Variants in GXYLT1 observed in about 807,000 individuals in gnomAD.
GXYLT1 encodes glycosyltransferase 8 domain containing 3.
Under a neutral mutation model 54.0 loss-of-function variants are expected in GXYLT1, and 29 were observed. That is an observed-to-expected ratio of 0.54 (90% CI 0.40 to 0.73). The LOEUF (loss-of-function observed/expected upper bound fraction) is 0.73, where lower values mean the gene tolerates loss of function less well. GXYLT1 is among the 30% of genes least tolerant of loss of function. GXYLT1 has a pLI of 0.00. For missense variants in GXYLT1, 490 were observed against 553.4 expected (o/e 0.89, Z 1.15); for synonymous variants, 176 against 204.1 (o/e 0.86, Z 1.17).
At position 42,089,483 on chromosome 12, in the gene GXYLT1, T is replaced by C. The variant is rs192200441; in HGVS notation, c.1162-1536A>G. Among the ~76,000 whole-genome samples, 11 of 152,286 alleles carry C rather than the reference T, an allele frequency of 7.2e-5. No individual in the cohort carries two copies. In the East Asian group the frequency reaches 1.9e-3, roughly 27 times the overall value. ...CATATGTACCCTAGAACTTAAAGTA[T>C]AATAAAATATATATACATATAAAAG... is the stretch of plus-strand genomic sequence containing the variant. On this transcript the variant is annotated intron_variant, in intron 7 of 7. Transcript: ENST00000398675.
chr12:42,098,135 A>G, intron 5 of GXYLT1, 102 bp from the exon 6 acceptor site: 1 of 1,095,414 alleles, frequency 9.1e-7, no homozygotes, highest in East Asian at 2.4e-5. Flanking sequence ...ACAAATCCAC[A>G]AAGAGAAATG....
intron 2 of GXYLT1, among the ~76,000 whole-genome samples, chr12:42,124,763 A>G (rs1417547752): frequency 1.3e-5 from 2 of 152,216 alleles, no homozygotes; most frequent in Non-Finnish European, 2.9e-5. Flanking sequence ...GAAAGCCACA[A>G]TCTTCACCTT....
intron 7 of GXYLT1, 136 bp from the exon 8 acceptor site, chr12:42,088,083 T>C (rs551681576): frequency 2.2e-6 from 1 of 463,144 alleles, no homozygotes; most frequent in African/African-American, 2.0e-5. Context: ...ATTAGATGTT[T>C]AACAAATATT....
chr12:42,097,099 C>G (rs1419527904), intron 7 of GXYLT1, among the ~76,000 whole-genome samples: 1 of 151,850 alleles, frequency 6.6e-6, no homozygotes, highest in East Asian at 1.9e-4. Context: ...TTAATGTATT[C>G]CATCAGTATT....
At chr12:42,102,869 A>G (rs1251901820) in intron 5 of GXYLT1, among the ~76,000 whole-genome samples, 1 of 151,992 alleles carries the variant, frequency 6.6e-6, no homozygotes, top group Non-Finnish European at 1.5e-5. Context: ...AAAAATTATG[A>G]TTTTTAAAAA....
Position 42,087,714 on chromosome 12 carries a change from T to G in GXYLT1, c.*72A>C. Reference sequence around the variant, plus strand: ...GAGTAATTCCTTCCTGAATACTTCATCCAAGACGATTCCTTCACACTTATC... The same window carrying G: ...GAGTAATTCCTTCCTGAATACTTCAGCCAAGACGATTCCTTCACACTTATC... On this transcript the variant is annotated 3_prime_UTR_variant, in exon 8 of 8. Transcript: ENST00000398675. 1.8e-6 allele frequency: 2 copies of G among 1,138,576 alleles called. No homozygotes were observed. The highest frequency in any genetic ancestry group is 2.5e-6 in the Non-Finnish European group (2 of 807,900). The allele number at this position is 1,138,576 out of a possible 1,614,324, so 70.5% of individuals were successfully genotyped here. A position where few individuals can be genotyped will look rare whatever the true frequency, so the allele number is the denominator to read the frequency against.
chr12:42,090,114 G>GAAA (rs67453452), intron 7 of GXYLT1, among the ~76,000 whole-genome samples: 8 of 150,886 alleles, frequency 5.3e-5, no homozygotes, highest in African/African-American at 1.9e-4. Context: ...TTCTTCACTG[G>GAAA]AAAAAAAAAG....
Position 42,115,381 on chromosome 12 carries a change from C to A in GXYLT1, c.486+3619G>T, listed in dbSNP as rs536132886. On this transcript the variant is annotated intron_variant, in intron 3 of 7. Coordinates refer to ENST00000398675, the MANE Select transcript of GXYLT1 (RefSeq NM_173601.2). ...TGACATGATTGTATATCTAGAAAACCCCATCATTCAGCCCAAAAACTCCTC... is the reference window on the plus strand; with the variant it reads ...TGACATGATTGTATATCTAGAAAACACCATCATTCAGCCCAAAAACTCCTC... Among the ~76,000 whole-genome samples, 9 of 152,286 alleles carry A rather than the reference C, an allele frequency of 5.9e-5. No homozygotes were observed. The South Asian group carries it at 1.7e-3, about 28-fold the overall frequency.
In GXYLT1 at chr12:42,144,484, C is replaced by G; in HGVS notation, c.163G>C (p.Gly55Arg). ...GCGACGCCGGCGCCTCTCACGGCGC[C>G]GCGTCCGCCGCCCGCGAGCCAGGAA... ...VASWLAGGGR[G>R]AVRGAGVAGP... Residue 55 changes from glycine (G) to arginine (R), a missense_variant, in exon 1 of 8, where the codon GGC (glycine) becomes CGC (arginine). This residue lies in a region of GXYLT1 where 148 missense variants were observed against 210.7 expected (regional missense o/e 0.70). Coordinates refer to ENST00000398675, the MANE Select transcript of GXYLT1 (RefSeq NM_173601.2). The G allele has an allele frequency of 7.5e-7, 1 of 1,334,900 alleles. No individual in the cohort carries two copies. Among genetic ancestry groups the G allele is most frequent in the Non-Finnish European group, 9.7e-7 (1 of 1,035,540 alleles). 82.7% of individuals were successfully genotyped at this position (1,334,900 alleles called of 1,614,324 possible). A position where few individuals can be genotyped will look rare whatever the true frequency, so the allele number is the denominator to read the frequency against.
chr12:42,129,910 A>G, intron 1 of GXYLT1, 59 bp from the exon 2 acceptor site: 1 of 1,030,520 alleles, frequency 9.7e-7, no homozygotes, highest in Non-Finnish European at 1.5e-6. Flanking sequence ...GGAACTAACA[A>G]GGAATTTACT....
At chr12:42,117,537 A>G (rs1565575432) in intron 3 of GXYLT1, among the ~76,000 whole-genome samples, 1 of 152,120 alleles carries the variant, frequency 6.6e-6, no homozygotes, top group Non-Finnish European at 1.5e-5. Flanking sequence ...AACCTGAAAA[A>G]AACATCAAAT....
At chr12:42,101,971 G>GACC (rs2065392811) in intron 5 of GXYLT1, among the ~76,000 whole-genome samples, 1 of 152,146 alleles carries the variant, frequency 6.6e-6, no homozygotes. Context: ...GTCAAGGGGA[G>GACC]ACCTGTCTTT....
In GXYLT1 at chr12:42,082,233, G is replaced by A. The variant is rs563022865; in HGVS notation, c.*5553C>T. On this transcript the variant is annotated 3_prime_UTR_variant, in exon 8 of 8. Transcript: ENST00000398675. ...TTTTCCAGTTTGACTTCAGGAACAG[G>A]TGCAAACCACCATCCTCTTCACAGA... 6.6e-6 allele frequency: 1 copy of A among 152,250 alleles called. No homozygotes were observed. The highest frequency in any genetic ancestry group is 2.1e-4 in the South Asian group (1 of 4,834). The allele number at this position is 152,250 out of a possible 1,614,324, so 9.4% of individuals were successfully genotyped here.
intron 5 of GXYLT1, among the ~76,000 whole-genome samples, chr12:42,098,400 C>T (rs934284477): frequency 2.0e-5 from 3 of 151,888 alleles, no homozygotes; most frequent in Admixed American, 1.3e-4. Flanking sequence ...GCACCTGACA[C>T]GTGGTAAATA....
chr12:42,111,163 C>T (rs932433099), intron 3 of GXYLT1, among the ~76,000 whole-genome samples: 2 of 152,216 alleles, frequency 1.3e-5, no homozygotes, highest in Non-Finnish European at 2.9e-5. Context: ...GCCAAGATGG[C>T]CGAATAGGAA....
chr12:42,119,956 A>G (rs1410910952), intron 2 of GXYLT1, among the ~76,000 whole-genome samples: 2 of 152,198 alleles, frequency 1.3e-5, no homozygotes, highest in Non-Finnish European at 2.9e-5. Context: ...ACAAAAAATG[A>G]CAACTTTCTC....
intron 7 of GXYLT1, among the ~76,000 whole-genome samples, chr12:42,089,604 T>C (rs918259631): frequency 6.6e-6 from 1 of 152,190 alleles, no homozygotes; most frequent in Non-Finnish European, 1.5e-5. Flanking sequence ...TTCTCAGTTA[T>C]AAATGCAGTA....
intron 5 of GXYLT1, among the ~76,000 whole-genome samples, chr12:42,105,421 C>G (rs1185131373): frequency 6.6e-6 from 1 of 152,172 alleles, no homozygotes; most frequent in African/African-American, 2.4e-5. Flanking sequence ...CGGGTGAGAA[C>G]AAACAGGTTG....
intron 1 of GXYLT1, among the ~76,000 whole-genome samples, chr12:42,142,581 CA>C (rs1463136594): frequency 6.6e-6 from 1 of 152,060 alleles, no homozygotes; most frequent in African/African-American, 2.4e-5. Flanking sequence ...CTCCAGCAAT[CA>C]ATCATCCCCA....
Sources: gnomAD v4.1 joint callset for allele counts (sites outside exome capture counted in the v4.1 genomes callset) on GRCh38, gnomAD v4.1.1 for gene constraint, gnomAD v4.1.1 regional missense constraint, MANE v1.5 for transcripts, NCBI Gene and HGNC (gene_info 2026-07-23, HGNC 2026-07-21) for gene names.